Variants in PLA2G7 observed in about 807,000 individuals in gnomAD.
PLA2G7 encodes the protein platelet-activating factor acetylhydrolase.
PLA2G7 carries 63 observed loss-of-function variants against 49.6 expected under a neutral mutation model. The observed-to-expected ratio is 1.27, with a 90% CI of 1.04 to 1.57. The LOEUF is 1.57. Ranked by LOEUF, PLA2G7 falls within the 40% of genes most tolerant of loss-of-function variation. The probability of loss-of-function intolerance (pLI) is 0.00; values close to 1 mark genes in which losing one functional copy is unlikely to be tolerated. For missense variants in PLA2G7, 596 were observed against 521.2 expected (o/e 1.14, Z -1.40); for synonymous variants, 193 against 169.9 (o/e 1.14, Z -1.06).
intron 2 of PLA2G7, among the ~76,000 whole-genome samples, chr6:46,717,846 G>A (rs1428361547): frequency 1.3e-5 from 2 of 151,834 alleles, no homozygotes; most frequent in African/African-American, 2.4e-5. Flanking sequence ...TGAGTAGCTG[G>A]GATTACAGGT....
At chr6:46,717,905 A>T (rs976276486) in intron 2 of PLA2G7, among the ~76,000 whole-genome samples, 3 of 151,734 alleles carry the variant, frequency 2.0e-5, no homozygotes, top group Non-Finnish European at 2.9e-5. Flanking sequence ...TTTAGTAGAG[A>T]CGGGGTTTCA....
At chr6:46,707,962 A>G in intron 10 of PLA2G7, 29 bp downstream of exon 10, 1 of 1,402,364 alleles carries the variant, frequency 7.1e-7, no homozygotes, top group Non-Finnish European at 1.0e-6. Context: ...AGTTTGTTTC[A>G]CATAATGAAA....
At chr6:46,734,479 A>AC (rs1765848668) in intron 1 of PLA2G7, among the ~76,000 whole-genome samples, 1 of 110,658 alleles carries the variant, frequency 9.0e-6, no homozygotes, top group South Asian at 3.1e-4. Context: ...AGAGAGAGAG[A>AC]GAGAGAGAGA....
At chr6:46,704,874 G>C (rs773494622) in intron 11 of PLA2G7, among the ~76,000 whole-genome samples, 178 bp from the exon 12 acceptor site, 1 of 152,184 alleles carries the variant, frequency 6.6e-6, no homozygotes, top group African/African-American at 2.4e-5. Flanking sequence ...AAACGGGATA[G>C]GAGTGAGGCA....
chr6:46,719,801 T>C (rs917001065), intron 2 of PLA2G7, among the ~76,000 whole-genome samples: 8 of 152,190 alleles, frequency 5.3e-5, no homozygotes, highest in Admixed American at 2.6e-4. Context: ...AGACAAATAA[T>C]GCTGTTTACT....
At chr6:46,721,292 C>A (rs1323127157) in intron 2 of PLA2G7, among the ~76,000 whole-genome samples, 1 of 151,986 alleles carries the variant, frequency 6.6e-6, no homozygotes, top group Non-Finnish European at 1.5e-5. Context: ...AAGTGATCCA[C>A]CCACCTCGGC....
At chr6:46,709,620 C>CAT (rs1018329681) in intron 8 of PLA2G7, among the ~76,000 whole-genome samples, 22 of 152,240 alleles carry the variant, frequency 1.4e-4, no homozygotes, top group African/African-American at 3.9e-4. Flanking sequence ...CACATTTACA[C>CAT]ATATATATAA....
intron 2 of PLA2G7, among the ~76,000 whole-genome samples, chr6:46,721,009 G>A (rs1313125726): frequency 6.6e-6 from 1 of 152,078 alleles, no homozygotes; most frequent in African/African-American, 2.4e-5. Flanking sequence ...TTAATAAACT[G>A]TTTCTAATAC....
chr6:46,722,972 G>A, intron 1 of PLA2G7, 47 bp from the exon 2 acceptor site: 1 of 783,572 alleles, frequency 1.3e-6, no homozygotes, highest in Non-Finnish European at 2.2e-6. Context: ...CAATGAAGAG[G>A]CCTTAAATAA....
chr6:46,713,824 T>A (rs1405286109), intron 5 of PLA2G7, among the ~76,000 whole-genome samples: 6 of 152,176 alleles, frequency 3.9e-5, no homozygotes, highest in Non-Finnish European at 8.8e-5. Context: ...CATGGTCAAG[T>A]GGAAGCTAAG....
chr6:46,716,891 G>A, intron 3 of PLA2G7, 84 bp downstream of exon 3: 1 of 1,375,394 alleles, frequency 7.3e-7, no homozygotes, highest in Non-Finnish European at 1.0e-6. Flanking sequence ...GTGAGGGCAA[G>A]GTCACATTTG....
At chr6:46,720,776 T>C (rs546802973) in intron 2 of PLA2G7, among the ~76,000 whole-genome samples, 2 of 152,344 alleles carry the variant, frequency 1.3e-5, no homozygotes, top group African/African-American at 4.8e-5. Context: ...TACATATTTT[T>C]GGTGGTTTTC....
intron 1 of PLA2G7, among the ~76,000 whole-genome samples, chr6:46,732,012 A>C (rs545213418): frequency 3.3e-5 from 5 of 152,000 alleles, no homozygotes; most frequent in African/African-American, 4.8e-5. Flanking sequence ...TTATAAAGTA[A>C]ATCAATTATG....
At position 46,704,630 on chromosome 6, in the gene PLA2G7, C is replaced by T. The variant is rs1365666405; in HGVS notation, c.1256G>A (p.Gly419Glu). The T allele has an allele frequency of 1.3e-6, 2 of 1,583,612 alleles. No homozygotes were observed. The highest frequency in any genetic ancestry group is 2.2e-5 in the South Asian group (2 of 90,522). The change falls in exon 12 of 12, where the codon GGG (glycine) becomes GAG (glutamate). Residue 419 changes from glycine (G) to glutamate (E), a missense_variant. By Grantham distance (98) the Gly-to-Glu change is moderately conservative. Coordinates refer to ENST00000274793, the MANE Select transcript of PLA2G7 (RefSeq NM_005084.4). Reference sequence around the variant, plus strand: ...TTGATTGGTTGTGTTAATGTTGGTCCCTGGAATAAGATTCTCATCATCTCC... The same window carrying T: ...TTGATTGGTTGTGTTAATGTTGGTCTCTGGAATAAGATTCTCATCATCTCC... Reference protein sequence around the residue: ...IEGDDENLIPGTNINTTNQHI... With the variant: ...IEGDDENLIPETNINTTNQHI...
chr6:46,716,895 A>G, intron 3 of PLA2G7, 80 bp downstream of exon 3: 1 of 1,410,348 alleles, frequency 7.1e-7, no homozygotes, highest in South Asian at 1.2e-5. Context: ...GGGCAAGGTC[A>G]CATTTGAACA....
At chr6:46,713,816 T>C (rs1765111457) in intron 5 of PLA2G7, among the ~76,000 whole-genome samples, 1 of 152,174 alleles carries the variant, frequency 6.6e-6, no homozygotes. Flanking sequence ...TCCATCACCA[T>C]GGTCAAGTGG....
chr6:46,732,364 CACAT>C (rs1184706134), intron 1 of PLA2G7, among the ~76,000 whole-genome samples: 35 of 117,758 alleles, frequency 3.0e-4, no homozygotes, highest in Non-Finnish European at 4.8e-4. Context: ...ATCCAACACA[CACAT>C]ACACACACAC....
intron 1 of PLA2G7, among the ~76,000 whole-genome samples, chr6:46,734,704 T>A (rs1765862139): frequency 6.6e-6 from 1 of 151,552 alleles, no homozygotes; most frequent in African/African-American, 2.4e-5. Context: ...ACGCCAGCAG[T>A]CCCAGCTACT....
Position 46,704,284 on chromosome 6 carries a change from A to C in PLA2G7, c.*276T>G. On this transcript the variant is annotated 3_prime_UTR_variant, in exon 12 of 12. Coordinates refer to ENST00000274793, the MANE Select transcript of PLA2G7 (RefSeq NM_005084.4). The stretch of plus-strand genomic sequence containing the variant: ...GTTTTTAACTTCGACACTGAAAAGG[A>C]ATCATCTTTAAAATTAAAATTTAGG... The C allele has an allele frequency of 3.0e-6, 1 of 338,332 alleles. No individual in the cohort carries two copies. The highest frequency in any genetic ancestry group is 5.5e-5 in the East Asian group (1 of 18,086). The allele number at this position is 338,332 out of a possible 1,614,324, so 21.0% of individuals were successfully genotyped here. A position where few individuals can be genotyped will look rare whatever the true frequency, so the allele number is the denominator to read the frequency against.
Sources: gnomAD v4.1 joint callset for allele counts (sites outside exome capture counted in the v4.1 genomes callset) on GRCh38, gnomAD v4.1.1 for gene constraint, MANE v1.5 for transcripts, NCBI Gene and HGNC (gene_info 2026-07-23, HGNC 2026-07-21) for gene names.